Variants in INVS observed in about 807,000 individuals in gnomAD.
INVS encodes the protein inversion of embryo turning homolog.
In INVS, 86 loss-of-function variants were observed where a neutral mutation model predicts 108.8. The ratio of observed to expected loss-of-function variants is 0.79; its 90% CI spans 0.66 to 0.95. The LOEUF (loss-of-function observed/expected upper bound fraction) is 0.95, where lower values mean the gene tolerates loss of function less well. Ranked by LOEUF, INVS falls within the 40% of genes least tolerant of loss-of-function variation. The probability of loss-of-function intolerance (pLI) is 0.00; values close to 1 mark genes in which losing one functional copy is unlikely to be tolerated. For missense variants in INVS, 1,169 were observed against 1,297.4 expected, an observed-to-expected ratio of 0.90 and a Z score of 1.52; for synonymous variants, 455 against 473.5, an observed-to-expected ratio of 0.96 and a Z score of 0.51.
At chr9:100,123,648 C>A (rs1564122445) in intron 2 of INVS, among the ~76,000 whole-genome samples, 1 of 152,136 alleles carries the variant, frequency 6.6e-6, no homozygotes, top group Non-Finnish European at 1.5e-5. Flanking sequence ...ATTGCTGGGT[C>A]AAATGGTTAC....
At chr9:100,290,294 T>C (rs1392370842) in intron 13 of INVS, among the ~76,000 whole-genome samples, 1 of 152,242 alleles carries the variant, frequency 6.6e-6, no homozygotes, top group Non-Finnish European at 1.5e-5. Flanking sequence ...TTTTGCTTTA[T>C]GTTTTCTATA....
chr9:100,202,501 T>C (rs1174153605), intron 3 of INVS, among the ~76,000 whole-genome samples: 2 of 152,216 alleles, frequency 1.3e-5, no homozygotes, highest in Non-Finnish European at 2.9e-5. Context: ...TTTCCTGTTA[T>C]ACAAATTTCT....
intron 11 of INVS, 116 bp downstream of exon 11, chr9:100,265,044 G>A: frequency 4.1e-6 from 3 of 724,752 alleles, no homozygotes; most frequent in Non-Finnish European, 7.4e-6. Context: ...CTGGGTTCAA[G>A]CAATTCTTCT....
At chr9:100,257,369 A>G (rs1832455605) in intron 10 of INVS, among the ~76,000 whole-genome samples, 1 of 152,140 alleles carries the variant, frequency 6.6e-6, no homozygotes. Context: ...CCAATTTGCC[A>G]GTCTGTGTCT....
At chr9:100,218,639 G>A (rs529074100) in intron 3 of INVS, among the ~76,000 whole-genome samples, 7 of 152,324 alleles carry the variant, frequency 4.6e-5, no homozygotes, top group African/African-American at 1.7e-4. Context: ...ATAGGGTTCA[G>A]GAAGATGCCT....
chr9:100,194,325 C>G (rs1309021417), intron 3 of INVS, among the ~76,000 whole-genome samples: 1 of 152,154 alleles, frequency 6.6e-6, no homozygotes, highest in African/African-American at 2.4e-5. Context: ...TTGCATTTCT[C>G]TAATGACAAA....
At chr9:100,147,700 G>A (rs2118970763) in intron 3 of INVS, among the ~76,000 whole-genome samples, 1 of 152,136 alleles carries the variant, frequency 6.6e-6, no homozygotes, top group African/African-American at 2.4e-5. Context: ...CAACCCAAAT[G>A]CCCATCAAAA....
chr9:100,102,440 T>C (rs535851088), intron 1 of INVS: 2 of 152,338 alleles, frequency 1.3e-5, no homozygotes, highest in South Asian at 4.1e-4. Flanking sequence ...AAGTAAGATC[T>C]TATGGTTAAG....
chr9:100,109,689 G>C (rs557380759), intron 2 of INVS, among the ~76,000 whole-genome samples: 55 of 152,226 alleles, frequency 3.6e-4, no homozygotes, highest in African/African-American at 1.2e-3. Context: ...TTTTGAGATG[G>C]AGTTTCACTC....
rs776279048 is a variant in INVS, at chr9:100,300,579, C to G, written c.3103C>G (p.Gln1035Glu). 1.2e-5 allele frequency: 19 copies of G among 1,608,212 alleles called. No individual in the cohort carries two copies. In the South Asian group the frequency reaches 2.1e-4, roughly 18 times the overall value. ...TTTGTTTTTAACAGTGAGCAACCTA[C>G]AGTGTATACATCTCCTTGAGAACAG... ...VLRLNSVSNL[Q>E]CIHLLENSGR... The change falls in exon 17 of 17, where the codon CAG becomes GAG. Residue 1035 changes from glutamine (Q) to glutamate (E), a missense_variant. Gln to Glu is a conservative substitution (Grantham distance 29). This residue lies in a region of INVS where 533 missense variants were observed against 536.0 expected (regional missense o/e 0.99). Transcript: ENST00000262457.
Position 100,104,485 on chromosome 9 carries a change from A to T in INVS, c.-24-13A>T. 7.0e-7 allele frequency: 1 copy of T among 1,436,202 alleles called. No homozygotes were observed. Among genetic ancestry groups the T allele is most frequent in the Non-Finnish European group, 9.8e-7 (1 of 1,018,564 alleles). 89.0% of individuals were successfully genotyped at this position (1,436,202 alleles called of 1,614,324 possible). On this transcript the variant is annotated splice_polypyrimidine_tract_variant and intron_variant, in intron 1 of 16. Coordinates refer to ENST00000262457, the MANE Select transcript of INVS (RefSeq NM_014425.5). ...TTTGCTGCATGCGCTCATTGTCTGAATCATTGTTTCAGGTTGCTCCGGTTG... is the reference window on the plus strand; with the variant it reads ...TTTGCTGCATGCGCTCATTGTCTGATTCATTGTTTCAGGTTGCTCCGGTTG...
intron 3 of INVS, among the ~76,000 whole-genome samples, chr9:100,149,737 T>G (rs1458320149): frequency 6.6e-6 from 1 of 152,184 alleles, no homozygotes; most frequent in Non-Finnish European, 1.5e-5. Flanking sequence ...GAATAACATG[T>G]CAACACATCT....
intron 3 of INVS, among the ~76,000 whole-genome samples, chr9:100,187,093 A>C (rs982943979): frequency 2.0e-5 from 3 of 152,054 alleles, no homozygotes; most frequent in African/African-American, 7.2e-5. Flanking sequence ...CAGTTTTCCC[A>C]GCATCTTTTA....
intron 5 of INVS, among the ~76,000 whole-genome samples, chr9:100,235,167 T>G (rs1588110771): frequency 6.6e-6 from 1 of 152,168 alleles, no homozygotes. Context: ...GTCTGTTTTA[T>G]CAGAGACTAG....
chr9:100,112,703 TG>T (rs967699895), intron 2 of INVS, among the ~76,000 whole-genome samples: 184 of 151,442 alleles, frequency 1.2e-3, no homozygotes, highest in African/African-American at 4.3e-3. Context: ...AATCTCATAA[TG>T]TTTTAAGAAA....
chr9:100,190,029 T>C (rs932449674), intron 3 of INVS, among the ~76,000 whole-genome samples: 9 of 152,114 alleles, frequency 5.9e-5, no homozygotes, highest in Non-Finnish European at 1.0e-4. Flanking sequence ...CCCACTATTA[T>C]TGTGTTTCTG....
In INVS at chr9:100,262,560, C is replaced by T. The variant is rs1232732197; in HGVS notation, c.1465-2262C>T. On this transcript the variant is annotated intron_variant, in intron 10 of 16. Coordinates refer to ENST00000262457, the MANE Select transcript of INVS (RefSeq NM_014425.5). ...CCTGTAGGACCTGTAGTGAGTTCCT[C>T]TTGTTTATTTCATATATTGGTAATG... Among the ~76,000 whole-genome samples, 3 of 141,100 alleles carry T rather than the reference C, an allele frequency of 2.1e-5. No homozygotes were observed. In the Admixed American group the frequency reaches 2.2e-4, roughly 10 times the overall value. 92.6% of individuals were successfully genotyped at this position (141,100 alleles called of 152,430 possible). A position where few individuals can be genotyped will look rare whatever the true frequency, so the allele number is the denominator to read the frequency against.
intron 5 of INVS, among the ~76,000 whole-genome samples, chr9:100,234,204 G>T (rs1172106685): frequency 6.6e-6 from 1 of 152,030 alleles, no homozygotes; most frequent in Non-Finnish European, 1.5e-5. Context: ...TTTCTGTGGG[G>T]TCAGTGGTGA....
intron 3 of INVS, among the ~76,000 whole-genome samples, chr9:100,211,152 CA>C (rs112048380): frequency 1.2e-4 from 17 of 144,356 alleles, no homozygotes; most frequent in African/African-American, 1.3e-4. Flanking sequence ...GAGTTTAAGA[CA>C]AAAAAAAAAT....
Sources: allele counts gnomAD v4.1 joint callset (sites outside exome capture counted in the v4.1 genomes callset), GRCh38; gene constraint gnomAD v4.1.1; regional missense constraint gnomAD v4.1.1; transcripts MANE v1.5; gene names NCBI Gene and HGNC (gene_info 2026-07-23, HGNC 2026-07-21).